Variants in ZC3H18 observed in about 807,000 individuals in gnomAD.
ZC3H18 encodes zinc finger CCCH-type containing 18, also known as zinc finger CCCH domain-containing protein 18.
A neutral mutation model predicts 106.1 loss-of-function variants in ZC3H18; 8 were observed. That is an observed-to-expected ratio of 0.08 (90% confidence interval 0.04 to 0.14). The LOEUF is 0.14. Among genes scored for constraint, ZC3H18 ranks in the 10% least tolerant of loss-of-function variants. The pLI is 1.00. For missense variants in ZC3H18, 1,318 were observed against 1,278.4 expected (o/e 1.03, Z -0.47); for synonymous variants, 635 against 522.1 (o/e 1.22, Z -2.95).
At chr16:88,576,465 G>A (rs1914758127) in intron 1 of ZC3H18, among the ~76,000 whole-genome samples, 1 of 152,170 alleles carries the variant, frequency 6.6e-6, no homozygotes, top group African/African-American at 2.4e-5. Context: ...TTGCTGAGCG[G>A]GTGAACACAG....
chr16:88,579,233 C>G (rs889433645), intron 2 of ZC3H18, among the ~76,000 whole-genome samples: 1 of 152,114 alleles, frequency 6.6e-6, no homozygotes, highest in South Asian at 2.1e-4. Context: ...GGAGACCTAC[C>G]CCAGGGCTGG....
Position 88,623,954 on chromosome 16 carries a change from C to G in ZC3H18, c.1794-4C>G, listed in dbSNP as rs1567598665. The G allele has an allele frequency of 1.9e-6, 3 of 1,609,792 alleles. No homozygotes were observed. Among genetic ancestry groups the G allele is most frequent in the Non-Finnish European group, 2.5e-6 (3 of 1,177,272 alleles). Reference sequence around the variant, plus strand: ...CCTTCCGACACCTTTGTTCACTCCCCTAGGTCCCGGTCCTTCTCTTCGTCC... The same window carrying G: ...CCTTCCGACACCTTTGTTCACTCCCGTAGGTCCCGGTCCTTCTCTTCGTCC... On this transcript the variant is annotated splice_region_variant and splice_polypyrimidine_tract_variant and intron_variant, in intron 10 of 17. Transcript: ENST00000301011.
At position 88,611,137 on chromosome 16, in the gene ZC3H18, G is replaced by A. The variant is rs1176454414; in HGVS notation, c.1207-131G>A. ...TAGTCGGGAGCACTTGGCGTTTTGT[G>A]TGTAGGTTTGTGGGGTACAGGTGTG... On this transcript the variant is annotated intron_variant, in intron 7 of 17. Transcript: ENST00000301011. 1.2e-5 allele frequency: 8 copies of A among 679,988 alleles called. No individual in the cohort carries two copies. The African/African-American group carries it at 1.3e-4, about 11-fold the overall frequency. The allele number at this position is 679,988 out of a possible 1,614,324, so 42.1% of individuals were successfully genotyped here. A position where few individuals can be genotyped will look rare whatever the true frequency, so the allele number is the denominator to read the frequency against.
chr16:88,627,808 G>C lies in ZC3H18; in HGVS notation c.2269+26G>C. 5 of 1,609,796 alleles carry C rather than the reference G, an allele frequency of 3.1e-6. No homozygotes were observed. Among genetic ancestry groups the C allele is most frequent in the Non-Finnish European group, 4.2e-6 (5 of 1,177,028 alleles). On this transcript the variant is annotated intron_variant, in intron 14 of 17. Coordinates refer to ENST00000301011, the MANE Select transcript of ZC3H18 (RefSeq NM_144604.4). This position sits in a 1 kb window ranked among gnomAD's most constrained non-coding sequence, Gnocchi z 4.5. ...GTACTCAGGAGCCCTGGTACCTTTG[G>C]GGAGCAGCTCCCGGGGGAGGAGGGC...
intron 6 of ZC3H18, among the ~76,000 whole-genome samples, chr16:88,600,175 G>A (rs1904673791): frequency 6.6e-6 from 1 of 152,194 alleles, no homozygotes; most frequent in Admixed American, 6.5e-5. Flanking sequence ...GGCCTTGACT[G>A]GCAGCACTCA....
chr16:88,613,993 A>G (rs1017014458), intron 8 of ZC3H18, among the ~76,000 whole-genome samples: 79 of 152,156 alleles, frequency 5.2e-4, no homozygotes, highest in African/African-American at 1.8e-3. Flanking sequence ...GGTTTGTGTC[A>G]CCGTCCCCGT....
chr16:88,577,112 C>G lies in ZC3H18; in HGVS notation c.-12C>G, dbSNP rs1914800162. On this transcript the variant is annotated splice_region_variant and 5_prime_UTR_variant, in exon 2 of 18. Transcript: ENST00000301011. ...AATCTGTATTCTCTCTTTTGCAGAA[C>G]CGTGGGTACCGATGGATGTGGCCGA... 4 of 1,520,262 alleles carry G rather than the reference C, an allele frequency of 2.6e-6. No homozygotes were observed. Among genetic ancestry groups the G allele is most frequent in the African/African-American group, 2.8e-5 (2 of 71,840 alleles). 94.2% of individuals were successfully genotyped at this position (1,520,262 alleles called of 1,614,324 possible). A position where few individuals can be genotyped will look rare whatever the true frequency, so the allele number is the denominator to read the frequency against.
rs763726758 is a variant in ZC3H18 at position 88,611,374 on chromosome 16, G to A, written c.1313G>A (p.Arg438Gln). Reference sequence around the variant, plus strand: ...CGGCAGAGGGAGCGCGAGCGAGAGCGGGAGCGCGAGCGCGACAAGGAGCGG... The same window carrying A: ...CGGCAGAGGGAGCGCGAGCGAGAGCAGGAGCGCGAGCGCGACAAGGAGCGG... ...ERRQRERERE[R>Q]ERERDKERQR... Residue 438 changes from arginine to glutamine, a missense_variant, in exon 8 of 18, where the codon CGG becomes CAG. Physicochemically the swap from Arg to Gln is conservative, Grantham distance 43. Coordinates refer to ENST00000301011, the MANE Select transcript of ZC3H18 (RefSeq NM_144604.4). 12 of 1,028,258 alleles carry A rather than the reference G, an allele frequency of 1.2e-5. No homozygotes were observed. Among genetic ancestry groups the A allele is most frequent in the Admixed American group, 7.9e-5 (4 of 50,316 alleles). 63.7% of individuals were successfully genotyped at this position (1,028,258 alleles called of 1,614,324 possible).
At chr16:88,610,791 T>A (rs1905233780) in intron 7 of ZC3H18, among the ~76,000 whole-genome samples, 4 of 152,246 alleles carry the variant, frequency 2.6e-5, no homozygotes, top group Admixed American at 2.6e-4. Flanking sequence ...CTGCTGTGGC[T>A]GCACCTACCT....
chr16:88,620,241 C>T (rs112963328), intron 8 of ZC3H18, among the ~76,000 whole-genome samples: 2 of 152,336 alleles, frequency 1.3e-5, no homozygotes, highest in African/African-American at 4.8e-5. Context: ...GTGAGCAAGA[C>T]GTAGGGCAGA....
chr16:88,628,024 C>A lies in ZC3H18; in HGVS notation c.2374C>A (p.Gln792Lys), dbSNP rs772572766. 6.2e-7 allele frequency: 1 copy of A among 1,614,168 alleles called. No homozygotes were observed. Among genetic ancestry groups the A allele is most frequent in the Admixed American group, 1.7e-5 (1 of 60,028 alleles). The change falls in exon 15 of 18, where the codon CAG becomes AAG. Residue 792 changes from glutamine (Q) to lysine (K), a missense_variant. Gln to Lys is a moderately conservative substitution (Grantham distance 53). Transcript: ENST00000301011. ...ACCTCCAGCAGGGGGGAAGTCCTCC[C>A]AGCAGCCCTCGACACCCCAGCAGGC... The part of the protein sequence containing the change: ...AKPPAGGKSS[Q>K]QPSTPQQAPP...
At chr16:88,599,986 TGCATGCGGCCAC>T (rs1567586990) in intron 6 of ZC3H18, 38 bp downstream of exon 6, 2 of 1,608,620 alleles carry the variant, frequency 1.2e-6, no homozygotes, top group Non-Finnish European at 1.7e-6. Flanking sequence ...GTTTCCTTCC[TGCATGCGGCCAC>T]GCTCCGGAGA....
chr16:88,619,696 G>A (rs79971490), intron 8 of ZC3H18, among the ~76,000 whole-genome samples: 2 of 152,246 alleles, frequency 1.3e-5, no homozygotes, highest in East Asian at 3.9e-4. Flanking sequence ...GCAAGCAGAC[G>A]CTGTTTTTCC....
intron 3 of ZC3H18, chr16:88,587,568 C>T (rs1350108367): frequency 2.6e-5 from 40 of 1,536,028 alleles, no homozygotes; most frequent in Non-Finnish European, 3.2e-5. Context: ...ATCCACTCTT[C>T]TTCCACCAAT....
At chr16:88,613,657 A>G (rs1354165445) in intron 8 of ZC3H18, among the ~76,000 whole-genome samples, 1 of 152,342 alleles carries the variant, frequency 6.6e-6, no homozygotes, top group African/African-American at 2.4e-5. Context: ...AGAAACGCCT[A>G]TTCAGATCCT....
chr16:88,614,385 G>A lies in ZC3H18; in HGVS notation c.1475+2849G>A, dbSNP rs141959317. ...CCTCATCTTGTCCGTGTGGCTGGAC[G>A]ACACCCGCTCTTGTGTACAGTGGAA... On this transcript the variant is annotated intron_variant, in intron 8 of 17. Coordinates refer to ENST00000301011, the MANE Select transcript of ZC3H18 (RefSeq NM_144604.4). Among the ~76,000 whole-genome samples the A allele has an allele frequency of 6.7e-4, 102 of 152,354 alleles. 1 individual carries two copies. The East Asian group carries it at 0.016, about 24-fold the overall frequency.
At chr16:88,622,758 G>A (rs548684374) in intron 9 of ZC3H18, 12 of 283,856 alleles carry the variant, frequency 4.2e-5, no homozygotes, top group South Asian at 2.3e-4. Flanking sequence ...CTCCACCTAC[G>A]GTCCTGGTCT....
intron 6 of ZC3H18, among the ~76,000 whole-genome samples, chr16:88,603,077 G>T (rs937213123): frequency 6.6e-6 from 1 of 151,432 alleles, no homozygotes; most frequent in Non-Finnish European, 1.5e-5. Flanking sequence ...CCATTCTCCT[G>T]CCTCAGCCTC....
At chr16:88,598,753 A>G (rs1349739554) in intron 5 of ZC3H18, 41 bp downstream of exon 5, 2 of 1,564,762 alleles carry the variant, frequency 1.3e-6, no homozygotes, top group Non-Finnish European at 1.7e-6. Flanking sequence ...GAAAGATGCT[A>G]TTACAGGAGT....
Sources: allele counts gnomAD v4.1 joint callset (sites outside exome capture counted in the v4.1 genomes callset), GRCh38; gene constraint gnomAD v4.1.1; non-coding constraint Gnocchi (gnomAD v3.1); transcripts MANE v1.5; gene names NCBI Gene and HGNC (gene_info 2026-07-23, HGNC 2026-07-21).